The following NLGN1 variants were observed in gnomAD, a reference collection of about 807,000 sequenced individuals.
NLGN1 encodes the protein neuroligin-1.
NLGN1 carries 12 observed loss-of-function variants against 65.5 expected under a neutral mutation model. The ratio of observed to expected loss-of-function variants is 0.18; its 90% confidence interval spans 0.12 to 0.30. The LOEUF (loss-of-function observed/expected upper bound fraction) is 0.30. NLGN1 is among the 10% of genes least tolerant of loss of function. The probability of loss-of-function intolerance (pLI) is 1.00; values close to 1 mark genes in which losing one functional copy is unlikely to be tolerated. For missense variants in NLGN1, 750 were observed against 1,007.1 expected, an observed-to-expected ratio of 0.74 and a Z score of 3.46; for synonymous variants, 350 against 359.5, an observed-to-expected ratio of 0.97 and a Z score of 0.30.
intron 4 of NLGN1, among the ~76,000 whole-genome samples, chr3:174,088,169 T>C (rs1228253953): frequency 6.6e-6 from 1 of 152,168 alleles, no homozygotes; most frequent in Admixed American, 6.5e-5. Context: ...TGTATTGACA[T>C]TAGTAACATA....
At chr3:173,660,990 C>T (rs995430891) in intron 3 of NLGN1, among the ~76,000 whole-genome samples, 13 of 151,934 alleles carry the variant, frequency 8.6e-5, no homozygotes, top group African/African-American at 3.1e-4. Flanking sequence ...AGTGTGAGAG[C>T]ACTCATAAAA....
intron 3 of NLGN1, among the ~76,000 whole-genome samples, chr3:173,628,672 G>A (rs1036994239): frequency 6.6e-6 from 1 of 151,792 alleles, no homozygotes; most frequent in African/African-American, 2.4e-5. Flanking sequence ...GAAGCTGGAT[G>A]TAATATTTTA....
At chr3:173,761,343 C>A (rs1176522797) in intron 3 of NLGN1, among the ~76,000 whole-genome samples, 2 of 151,914 alleles carry the variant, frequency 1.3e-5, no homozygotes, top group Non-Finnish European at 2.9e-5. Flanking sequence ...TGGAGGTTGG[C>A]AGGGGTCCCA....
At chr3:173,640,016 T>G (rs1757157170) in intron 3 of NLGN1, among the ~76,000 whole-genome samples, 1 of 152,176 alleles carries the variant, frequency 6.6e-6, no homozygotes, top group Non-Finnish European at 1.5e-5. Context: ...TAAACTGCAA[T>G]ATTCTAATTC....
At chr3:174,278,468 G>A (rs927861765) in intron 5 of NLGN1, among the ~76,000 whole-genome samples, 13 of 151,968 alleles carry the variant, frequency 8.6e-5, no homozygotes, top group Non-Finnish European at 1.8e-4. Context: ...ATTCCAAACA[G>A]ACAATGTAGA....
intron 4 of NLGN1, among the ~76,000 whole-genome samples, chr3:173,997,589 G>C (rs931914887): frequency 1.3e-5 from 2 of 152,004 alleles, no homozygotes; most frequent in Non-Finnish European, 2.9e-5. Flanking sequence ...AGCTCTGACT[G>C]TGTTCCCGGC....
chr3:173,408,220 A>C (rs971236258), intron 1 of NLGN1, among the ~76,000 whole-genome samples: 1 of 152,056 alleles, frequency 6.6e-6, no homozygotes, highest in East Asian at 1.9e-4. Context: ...CTTCTTTTCC[A>C]TGCTCCTTTT....
intron 1 of NLGN1, among the ~76,000 whole-genome samples, chr3:173,431,301 T>C (rs534443750): frequency 1.4e-4 from 21 of 152,184 alleles, no homozygotes; most frequent in Non-Finnish European, 2.2e-4. Context: ...TTGTGTTTCC[T>C]TTTTTTGGTT....
At chr3:173,651,644 A>G (rs1759195683) in intron 3 of NLGN1, among the ~76,000 whole-genome samples, 1 of 152,160 alleles carries the variant, frequency 6.6e-6, no homozygotes, top group Non-Finnish European at 1.5e-5. Flanking sequence ...GACTTTAATA[A>G]TAGCCATTCT....
chr3:173,968,636 A>G (rs1715413887), intron 4 of NLGN1, among the ~76,000 whole-genome samples: 1 of 151,556 alleles, frequency 6.6e-6, no homozygotes, highest in Non-Finnish European at 1.5e-5. Context: ...ATCACAGAAT[A>G]AATTTTGATG....
In NLGN1 at chr3:174,146,570, C is replaced by CT. The variant is rs879300938; in HGVS notation, c.647-128730dup. ...TCTTTATAAAATATCTGACATGAAT[C>CT]TTTTTTTTTTTTTTTAGACGGAGTT... On this transcript the variant is annotated intron_variant, in intron 4 of 6. Coordinates refer to ENST00000457714, the Ensembl canonical transcript of NLGN1. Among the ~76,000 whole-genome samples, 1,110 of 140,742 alleles carry CT rather than the reference C, an allele frequency of 7.9e-3. 4 individuals are homozygous for CT. Among genetic ancestry groups the CT allele is most frequent in the African/African-American group, 0.018 (685 of 38,564 alleles). The allele number at this position is 140,742 out of a possible 152,430, so 92.3% of individuals were successfully genotyped here.
At chr3:173,459,891 GT>G (rs529356236) in intron 2 of NLGN1, among the ~76,000 whole-genome samples, 89 of 152,026 alleles carry the variant, frequency 5.9e-4, no homozygotes, top group African/African-American at 2.1e-3. Context: ...TTATAAAGCT[GT>G]TATCAGGGGT....
chr3:173,449,593 G>C (rs1419260670), intron 2 of NLGN1, among the ~76,000 whole-genome samples: 2 of 152,160 alleles, frequency 1.3e-5, no homozygotes, highest in South Asian at 2.1e-4. Flanking sequence ...TTGGTGCAGA[G>C]CTGAGTTCAG....
At chr3:174,264,848 C>T (rs1747705507) in intron 4 of NLGN1, among the ~76,000 whole-genome samples, 1 of 151,820 alleles carries the variant, frequency 6.6e-6, no homozygotes, top group South Asian at 2.1e-4. Flanking sequence ...TGGTGATGTA[C>T]AGATGGGTTT....
intron 2 of NLGN1, among the ~76,000 whole-genome samples, chr3:173,479,768 C>A (rs1726925855): frequency 6.6e-6 from 1 of 151,892 alleles, no homozygotes; most frequent in Non-Finnish European, 1.5e-5. Flanking sequence ...GGAAAAAGAG[C>A]TATGAACTTA....
At chr3:174,109,905 T>C (rs1714808500) in intron 4 of NLGN1, among the ~76,000 whole-genome samples, 1 of 152,078 alleles carries the variant, frequency 6.6e-6, no homozygotes. Context: ...TCCTCAACTA[T>C]GTCTGGTATG....
chr3:174,243,339 G>A (rs1362957), intron 4 of NLGN1, among the ~76,000 whole-genome samples: 26,860 of 152,112 alleles, frequency 0.18, 2,521 homozygotes, highest in Middle Eastern at 0.22. Flanking sequence ...TGTTAGGCTC[G>A]TGGGTGGGCA....
At chr3:173,877,471 C>T (rs549418195) in intron 4 of NLGN1, among the ~76,000 whole-genome samples, 2 of 151,236 alleles carry the variant, frequency 1.3e-5, no homozygotes, top group Non-Finnish European at 2.9e-5. Flanking sequence ...CAGATTAAAT[C>T]CTAAAACAGA....
chr3:173,539,321 T>A (rs1231283456), intron 2 of NLGN1, among the ~76,000 whole-genome samples: 1 of 150,938 alleles, frequency 6.6e-6, no homozygotes, highest in Non-Finnish European at 1.5e-5. Flanking sequence ...TTGGGTCACC[T>A]CTTTATGCAA....
Sources: gnomAD v4.1 joint callset for allele counts (sites outside exome capture counted in the v4.1 genomes callset) on GRCh38, gnomAD v4.1.1 for gene constraint, MANE v1.5 for transcripts, NCBI Gene and HGNC (gene_info 2026-07-23, HGNC 2026-07-21) for gene names.